ANKRD28: variants seen among roughly 807,000 people sequenced by gnomAD.
ANKRD28 encodes the protein serine/threonine-protein phosphatase 6 regulatory ankyrin repeat subunit A.
ANKRD28 carries 44 observed loss-of-function variants against 126.5 expected under a neutral mutation model. That is an observed-to-expected ratio of 0.35 (90% CI 0.27 to 0.45). The LOEUF is 0.45. ANKRD28 is among the 20% of genes least tolerant of loss of function. The pLI is 1.00. For synonymous variants in ANKRD28, 442 were observed against 468.5 expected, an observed-to-expected ratio of 0.94 and a Z score of 0.73; for missense variants, 1,110 against 1,316.6, an observed-to-expected ratio of 0.84 and a Z score of 2.43.
chr3:15,819,144 G>A (rs2060890847), intron 1 of ANKRD28, among the ~76,000 whole-genome samples: 1 of 152,092 alleles, frequency 6.6e-6, no homozygotes, highest in Non-Finnish European at 1.5e-5. Context: ...CAGGCATGAT[G>A]GCGTCCACCT....
intron 17 of ANKRD28, among the ~76,000 whole-genome samples, chr3:15,692,546 C>A (rs571657441): frequency 1.3e-5 from 2 of 152,164 alleles, no homozygotes; most frequent in Non-Finnish European, 2.9e-5. Context: ...CCCATGATAT[C>A]CTTGTATGGG....
intron 18 of ANKRD28, among the ~76,000 whole-genome samples, chr3:15,688,292 TTTTTA>T (rs1340300632): frequency 1.3e-5 from 2 of 152,338 alleles, no homozygotes; most frequent in African/African-American, 2.4e-5. Flanking sequence ...ACAAAATTGA[TTTTTA>T]TTTTATATTT....
chr3:15,857,477 G>T (rs549097151), intron 1 of ANKRD28, among the ~76,000 whole-genome samples: 1 of 152,268 alleles, frequency 6.6e-6, no homozygotes, highest in East Asian at 1.9e-4. Flanking sequence ...GAGAAACGGG[G>T]TTTCACCATG....
At chr3:15,796,252 T>G in intron 1 of ANKRD28, 153 bp downstream of exon 1, 1 of 284,722 alleles carries the variant, frequency 3.5e-6, no homozygotes, top group Non-Finnish European at 5.9e-6. Context: ...AAATGTGCAT[T>G]TTATACAAAA....
At chr3:15,808,667 T>C (rs1018148724) in intron 1 of ANKRD28, among the ~76,000 whole-genome samples, 1 of 152,210 alleles carries the variant, frequency 6.6e-6, no homozygotes, top group African/African-American at 2.4e-5. Context: ...TCAATTCTGA[T>C]TCCTTTCTTA....
In ANKRD28 at chr3:15,816,033, T is replaced by A. The variant is rs2060825504; in HGVS notation, c.28-20727A>T. On this transcript the variant is annotated intron_variant, in intron 1 of 27. Transcript: ENST00000399451. The surrounding 1 kb of genome is among the most constrained non-coding windows in gnomAD (Gnocchi z 5.0). ...TCATAATTATGTTTTAATCTTGTTA[T>A]ATTAATAGTCAAGCTCAAAACAATA... 6.6e-6 allele frequency among the ~76,000 whole-genome samples: 1 copy of A among 152,214 alleles called. No homozygotes were observed. The highest frequency in any genetic ancestry group is 1.5e-5 in the Non-Finnish European group (1 of 68,036).
Position 15,685,438 on chromosome 3 carries a change from G to T in ANKRD28, c.2177C>A (p.Thr726Lys). 1 of 1,613,884 alleles carries T rather than the reference G, an allele frequency of 6.2e-7. No individual in the cohort carries two copies. The highest frequency in any genetic ancestry group is 8.5e-7 in the Non-Finnish European group (1 of 1,179,794). The change falls in exon 21 of 28, where the codon ACA becomes AAA. Residue 726 changes from threonine (T) to lysine (K), a missense_variant. Physicochemically the swap from Thr to Lys is moderately conservative, Grantham distance 78 (BLOSUM62 -1). Coordinates refer to ENST00000683139, the MANE Select transcript of ANKRD28 (RefSeq NM_001349278.2). Reference sequence around the variant, plus strand: ...TGCATCTACACATTCTTCATGGCCTGTAACTGCCTGAAAGAAAATAATTTA... The same window carrying T: ...TGCATCTACACATTCTTCATGGCCTTTAACTGCCTGAAAGAAAATAATTTA... ...GRTALHRGAVTGHEECVDALL... is the reference protein window; with the variant it reads ...GRTALHRGAVKGHEECVDALL...
At chr3:15,855,770 GAGA>G (rs1255056585) in intron 1 of ANKRD28, among the ~76,000 whole-genome samples, 3 of 152,230 alleles carry the variant, frequency 2.0e-5, no homozygotes, top group Admixed American at 1.3e-4. Flanking sequence ...CCAGGGCTGG[GAGA>G]AGGAGGAAAT....
chr3:15,728,433 A>AC (rs2125044198), intron 6 of ANKRD28, among the ~76,000 whole-genome samples: 1 of 152,258 alleles, frequency 6.6e-6, no homozygotes, highest in South Asian at 2.1e-4. Flanking sequence ...AGCTAGGACT[A>AC]CAGATGCATG....
At chr3:15,703,249 C>A (rs1260861626) in intron 14 of ANKRD28, among the ~76,000 whole-genome samples, 1 of 152,194 alleles carries the variant, frequency 6.6e-6, no homozygotes, top group Non-Finnish European at 1.5e-5. Context: ...ACTGCATGAT[C>A]CCATTTTTAT....
chr3:15,762,206 AAAAAAAACAAAAC>A (rs2058506601), intron 3 of ANKRD28, among the ~76,000 whole-genome samples: 5 of 32,838 alleles, frequency 1.5e-4, no homozygotes, highest in Admixed American at 4.7e-4. Context: ...AAAAAAAAAA[AAAAAAAACAAAAC>A]AAAAAAAAAA....
intron 2 of ANKRD28, among the ~76,000 whole-genome samples, chr3:15,775,725 CG>C (rs2059232276): frequency 6.6e-6 from 1 of 152,210 alleles, no homozygotes; most frequent in African/African-American, 2.4e-5. Context: ...ACAGCTTCCA[CG>C]GAAGGGCGTG....
At position 15,711,233 on chromosome 3, in the gene ANKRD28, G is replaced by C; in HGVS notation, c.1315C>G (p.Leu439Val). Residue 439 changes from leucine (L) to valine (V), a missense_variant, in exon 12 of 28, where the codon CTA (leucine) becomes GTA (valine). Physicochemically the swap from Leu to Val is conservative, Grantham distance 32. Transcript: ENST00000683139. The stretch of plus-strand genomic sequence containing the variant: ...TACCCTCCAGCTGCAGCTGCATGTA[G>C]ACAAGTCCTGCCAAAATCATCTGGG... ...DTPDDFGRTC[L>V]HAAAAGGNLE... The C allele has an allele frequency of 1.2e-6, 2 of 1,612,712 alleles. No homozygotes were observed. Among genetic ancestry groups the C allele is most frequent in the Non-Finnish European group, 1.7e-6 (2 of 1,179,148 alleles).
At chr3:15,851,052 GA>G (rs2061641435) in intron 1 of ANKRD28, among the ~76,000 whole-genome samples, 1 of 152,172 alleles carries the variant, frequency 6.6e-6, no homozygotes, top group African/African-American at 2.4e-5. Context: ...GTATGTGGGG[GA>G]AAACTGAAAT....
intron 1 of ANKRD28, among the ~76,000 whole-genome samples, chr3:15,834,810 C>A (rs1291270881): frequency 6.6e-6 from 1 of 151,986 alleles, no homozygotes; most frequent in East Asian, 1.9e-4. Context: ...TTGTGGGTAC[C>A]AAATATATTT....
In ANKRD28 at chr3:15,742,817, C is replaced by T. The variant is rs1463938270; in HGVS notation, c.352-5584G>A. ...GAGGTGAGGGGCGCCTCTGCCCGGCCGCCCCTACTGGGAAGTGAGGAGCCC... is the reference window on the plus strand; with the variant it reads ...GAGGTGAGGGGCGCCTCTGCCCGGCTGCCCCTACTGGGAAGTGAGGAGCCC... On this transcript the variant is annotated intron_variant, in intron 4 of 27. Transcript: ENST00000683139. Among the ~76,000 whole-genome samples, 149 of 147,102 alleles carry T rather than the reference C, an allele frequency of 1.0e-3. 1 individual carries two copies. Among genetic ancestry groups the T allele is most frequent in the Admixed American group, 2.5e-3 (37 of 14,746 alleles).
intron 14 of ANKRD28, among the ~76,000 whole-genome samples, chr3:15,698,283 A>T (rs1414680730): frequency 6.6e-6 from 1 of 152,202 alleles, no homozygotes; most frequent in East Asian, 1.9e-4. Context: ...AGCCAATATC[A>T]TACTGAATGG....
intron 1 of ANKRD28, among the ~76,000 whole-genome samples, chr3:15,808,396 G>A (rs965224633): frequency 6.6e-6 from 1 of 152,086 alleles, no homozygotes; most frequent in African/African-American, 2.4e-5. Flanking sequence ...TTATCCCCTG[G>A]CTTTCTACCT....
At chr3:15,707,298 A>T (rs1418973457) in intron 14 of ANKRD28, among the ~76,000 whole-genome samples, 1 of 152,208 alleles carries the variant, frequency 6.6e-6, no homozygotes. Context: ...GATAGGTCTG[A>T]TAACTTTAGG....
Sources: allele counts gnomAD v4.1 joint callset (sites outside exome capture counted in the v4.1 genomes callset), GRCh38; gene constraint gnomAD v4.1.1; non-coding constraint Gnocchi (gnomAD v3.1); transcripts MANE v1.5; gene names NCBI Gene and HGNC (gene_info 2026-07-23, HGNC 2026-07-21).